Variants in UPRT observed in about 807,000 individuals in gnomAD.
The protein encoded by UPRT is RP11-311P8.3.
Under a neutral mutation model 22.6 loss-of-function variants are expected in UPRT, and 5 were observed. That is an observed-to-expected ratio of 0.22 (90% CI 0.12 to 0.47). The LOEUF (loss-of-function observed/expected upper bound fraction) is 0.47. UPRT is among the 20% of genes least tolerant of loss of function. The pLI, the probability that UPRT is intolerant of heterozygous loss-of-function variation, is 0.99. For synonymous variants in UPRT, 77 were observed against 87.7 expected, an observed-to-expected ratio of 0.88 and a Z score of 0.68; for missense variants, 181 against 239.9, an observed-to-expected ratio of 0.75 and a Z score of 1.62.
At chrX:75,233,223 G>A (rs900838012) in intron 4 of UPRT, among the ~76,000 whole-genome samples, 2 of 109,996 alleles carry the variant, frequency 1.8e-5, no homozygotes, top group African/African-American at 6.6e-5. Context: ...AAGCGAGAAG[G>A]GAAGTTTAGA....
intron 4 of UPRT, among the ~76,000 whole-genome samples, chrX:75,169,116 G>A (rs747640118): frequency 3.6e-5 from 4 of 111,882 alleles, no homozygotes; most frequent in East Asian, 2.8e-4. Flanking sequence ...AATTCGTTCC[G>A]TTTTATGGTT....
chrX:75,253,133 G>T (rs1372147731), intron 4 of UPRT, among the ~76,000 whole-genome samples: 1 of 111,064 alleles, frequency 9.0e-6, no homozygotes, highest in East Asian at 2.8e-4. Context: ...CATGGCACAT[G>T]TATACATATT....
chrX:75,249,673 T>A (rs960716293), intron 4 of UPRT, among the ~76,000 whole-genome samples: 1 of 110,261 alleles, frequency 9.1e-6, no homozygotes, highest in Non-Finnish European at 1.9e-5. Context: ...TTAACAAGGG[T>A]CTCCAGGAAT....
chrX:75,186,167 A>T, intron 4 of UPRT, among the ~76,000 whole-genome samples: 1 of 110,889 alleles, frequency 9.0e-6, no homozygotes, highest in Non-Finnish European at 1.9e-5. Context: ...GTAGTGCTAT[A>T]AATTTCCCTC....
chrX:75,234,744 C>A (rs1054671152), intron 4 of UPRT, among the ~76,000 whole-genome samples: 1 of 110,665 alleles, frequency 9.0e-6, no homozygotes, highest in African/African-American at 3.3e-5. Context: ...CCAACGAGAA[C>A]AAAGACACAA....
chrX:75,262,398 G>T (rs1048635584), intron 4 of UPRT, among the ~76,000 whole-genome samples: 2 of 111,125 alleles, frequency 1.8e-5, no homozygotes, highest in African/African-American at 6.5e-5. Context: ...TAACCAGCTA[G>T]CATCATAATG....
chrX:75,284,403 G>A (rs2082671255), intron 1 of UPRT, among the ~76,000 whole-genome samples: 1 of 111,571 alleles, frequency 9.0e-6, no homozygotes, highest in South Asian at 3.8e-4. Flanking sequence ...TTTGTTTTCT[G>A]TTTCATTCTC....
chrX:75,238,473 A>C (rs2147650312), intron 4 of UPRT, among the ~76,000 whole-genome samples: 1 of 111,890 alleles, frequency 8.9e-6, no homozygotes, highest in Admixed American at 9.5e-5. Flanking sequence ...GAGCTTCCAA[A>C]TTTATAAAAT....
At chrX:75,185,586 A>C (rs2082287186) in intron 4 of UPRT, among the ~76,000 whole-genome samples, 1 of 112,135 alleles carries the variant, frequency 8.9e-6, no homozygotes, top group African/African-American at 3.2e-5. Context: ...GAATAGTTTC[A>C]GAAGGAATGG....
Position 75,274,323 on chromosome X carries a change from C to T in UPRT, c.69C>T (p.Thr23=). 8.3e-7 allele frequency: 1 copy of T among 1,211,703 alleles called. No individual in the cohort carries two copies. The highest frequency in any genetic ancestry group is 1.1e-6 in the Non-Finnish European group (1 of 895,486). The change falls in exon 1 of 7, where the codon ACC becomes ACT. Residue 23 remains threonine (T), a synonymous_variant. Transcript: ENST00000373383. The part of the protein sequence containing the change: ...CHNQQVNSAS[T]PSPEQLRPGD... The stretch of plus-strand genomic sequence containing the variant: ...ACCAGCAAGTAAACTCTGCCTCAAC[C>T]CCAAGTCCCGAGCAGCTGCGACCTG...
At chrX:75,245,937 C>A (rs2082504206) in intron 4 of UPRT, among the ~76,000 whole-genome samples, 1 of 110,776 alleles carries the variant, frequency 9.0e-6, no homozygotes, top group Admixed American at 9.7e-5. Context: ...ACCCTTGAAC[C>A]AAAATAATAG....
chrX:75,187,662 A>C (rs2082298810), intron 4 of UPRT, among the ~76,000 whole-genome samples: 1 of 112,053 alleles, frequency 8.9e-6, no homozygotes, highest in African/African-American at 3.2e-5. Flanking sequence ...AGGTACACCA[A>C]TCAGATGTAG....
intron 1 of UPRT, among the ~76,000 whole-genome samples, chrX:75,293,215 G>A (rs1273528307): frequency 9.0e-6 from 1 of 111,135 alleles, no homozygotes; most frequent in Non-Finnish European, 1.9e-5. Flanking sequence ...TACTTGGGCA[G>A]CTCAGTGGGG....
chrX:75,240,521 T>G (rs545909533), intron 4 of UPRT, among the ~76,000 whole-genome samples: 2 of 111,809 alleles, frequency 1.8e-5, no homozygotes, highest in South Asian at 7.4e-4. Context: ...AAACTATAAA[T>G]TCAATGCAAT....
At chrX:75,227,336 G>A (rs1333939755) in intron 4 of UPRT, among the ~76,000 whole-genome samples, 1 of 111,702 alleles carries the variant, frequency 9.0e-6, no homozygotes, top group East Asian at 2.8e-4. Context: ...TATGTGTTGT[G>A]GGCCTGGAGT....
chrX:75,248,871 T>G lies in UPRT; in HGVS notation c.-446-42153T>G, dbSNP rs761071181. On this transcript the variant is annotated intron_variant, in intron 4 of 13. Coordinates refer to the UPRT transcript ENST00000652605. ...CTACCAGCTGATCTCTCGGCAGAAA[T>G]TCTACAAGCCAGAAGAGAGTGGGGG... 2.7e-5 allele frequency among the ~76,000 whole-genome samples: 3 copies of G among 112,000 alleles called. No individual in the cohort carries two copies. In the South Asian group the frequency reaches 1.1e-3, roughly 41 times the overall value.
intron 6 of UPRT, among the ~76,000 whole-genome samples, chrX:75,302,896 G>T (rs1431088605): frequency 9.1e-6 from 1 of 110,239 alleles, no homozygotes; most frequent in South Asian, 3.9e-4. Flanking sequence ...ATCATCTTAC[G>T]TGTGTTCCTC....
chrX:75,302,196 A>G (rs182156370), intron 6 of UPRT, among the ~76,000 whole-genome samples: 5 of 111,508 alleles, frequency 4.5e-5, no homozygotes, highest in African/African-American at 1.6e-4. Flanking sequence ...TTGCTGTTTC[A>G]TAACTAAATA....
chrX:75,250,615 C>T (rs995691590), intron 4 of UPRT, among the ~76,000 whole-genome samples: 4 of 111,001 alleles, frequency 3.6e-5, no homozygotes, highest in Admixed American at 1.9e-4. Context: ...GATTCACAGC[C>T]GAATTCTACC....
Sources: gnomAD v4.1 joint callset for allele counts (sites outside exome capture counted in the v4.1 genomes callset) on GRCh38, gnomAD v4.1.1 for gene constraint, MANE v1.5 for transcripts, NCBI Gene and HGNC (gene_info 2026-07-23, HGNC 2026-07-21) for gene names.